Variants in PPP1R16B observed in about 807,000 individuals in gnomAD.
PPP1R16B encodes the protein protein phosphatase 1 regulatory subunit 16B.
A neutral mutation model predicts 61.7 loss-of-function variants in PPP1R16B; 14 were observed. That is an observed-to-expected ratio of 0.23 (90% confidence interval 0.15 to 0.35). PPP1R16B has a LOEUF of 0.35. PPP1R16B is among the 10% of genes least tolerant of loss of function. The probability of loss-of-function intolerance (pLI) is 1.00; values close to 1 mark genes in which losing one functional copy is unlikely to be tolerated. For missense variants in PPP1R16B, 547 were observed against 752.5 expected (o/e 0.73, Z 3.19); for synonymous variants, 266 against 305.3 (o/e 0.87, Z 1.34).
intron 7 of PPP1R16B, among the ~76,000 whole-genome samples, chr20:38,906,296 T>C (rs28588987): frequency 1.2e-4 from 15 of 126,050 alleles, no homozygotes; most frequent in African/African-American, 4.3e-4. Context: ...TTTTTTTTTT[T>C]TTTTTTTTTT....
intron 2 of PPP1R16B, among the ~76,000 whole-genome samples, chr20:38,855,982 A>AAGGAGGAGG (rs1555804355): frequency 9.6e-5 from 4 of 41,562 alleles, no homozygotes; most frequent in Admixed American, 5.9e-4. Flanking sequence ...AGAGAGAGAG[A>AAGGAGGAGG]AGGAGGAGGA....
intron 2 of PPP1R16B, among the ~76,000 whole-genome samples, chr20:38,883,704 A>G (rs1488821680): frequency 6.6e-6 from 1 of 152,220 alleles, no homozygotes; most frequent in African/African-American, 2.4e-5. Flanking sequence ...CCAGCTCTAA[A>G]GCTCTTGAGA....
intron 1 of PPP1R16B, among the ~76,000 whole-genome samples, chr20:38,821,046 A>AG (rs2084770524): frequency 6.6e-6 from 1 of 151,548 alleles, no homozygotes; most frequent in Non-Finnish European, 1.5e-5. Context: ...GTCTCAAAAA[A>AG]AAAAAAAAAA....
At chr20:38,876,303 T>C (rs1372958835) in intron 2 of PPP1R16B, among the ~76,000 whole-genome samples, 1 of 152,140 alleles carries the variant, frequency 6.6e-6, no homozygotes, top group Non-Finnish European at 1.5e-5. Flanking sequence ...TGAAAAGCAT[T>C]ACCCTGAGGA....
At chr20:38,902,598 T>C in intron 5 of PPP1R16B, 70 bp from the exon 6 acceptor site, 1 of 1,598,844 alleles carries the variant, frequency 6.3e-7, no homozygotes, top group Non-Finnish European at 8.5e-7. Context: ...GCCTCCCTCA[T>C]CTGCCTTCCC....
chr20:38,874,313 C>G (rs942686102), intron 2 of PPP1R16B, among the ~76,000 whole-genome samples: 1 of 152,116 alleles, frequency 6.6e-6, no homozygotes, highest in South Asian at 2.1e-4. Flanking sequence ...CCTGCTGGAG[C>G]CAGGAGGTGG....
chr20:38,827,092 G>A (rs995807460), intron 1 of PPP1R16B, among the ~76,000 whole-genome samples: 1 of 152,010 alleles, frequency 6.6e-6, no homozygotes, highest in Non-Finnish European at 1.5e-5. Context: ...TGGGACTAGA[G>A]GCACACGCCA....
chr20:38,907,739 C>G lies in PPP1R16B; in HGVS notation c.899-67C>G. 5.1e-6 allele frequency: 8 copies of G among 1,575,930 alleles called. No homozygotes were observed. Among genetic ancestry groups the G allele is most frequent in the Non-Finnish European group, 7.0e-6 (8 of 1,150,776 alleles). ...GGGTTGGGGTGGCAGCTCCTCTGGT[C>G]TGGAGCACCCTCTTGCGCCACAGGT... On this transcript the variant is annotated intron_variant, in intron 8 of 10. Coordinates refer to ENST00000299824, the MANE Select transcript of PPP1R16B (RefSeq NM_015568.4). The surrounding 1 kb of genome is among the most constrained non-coding windows in gnomAD (Gnocchi z 4.5).
chr20:38,820,807 C>A (rs1258281371), intron 1 of PPP1R16B, among the ~76,000 whole-genome samples: 1 of 151,636 alleles, frequency 6.6e-6, no homozygotes. Context: ...CCGAGGTGGG[C>A]GGATCATGAG....
intron 2 of PPP1R16B, among the ~76,000 whole-genome samples, chr20:38,865,113 G>A (rs2085081228): frequency 1.3e-5 from 2 of 151,968 alleles, no homozygotes; most frequent in Admixed American, 6.6e-5. Flanking sequence ...TTCTACCCAC[G>A]TCCAGGCCCA....
At chr20:38,912,694 A>G (rs576542134) in intron 10 of PPP1R16B, among the ~76,000 whole-genome samples, 1 of 151,904 alleles carries the variant, frequency 6.6e-6, no homozygotes, top group Non-Finnish European at 1.5e-5. Context: ...AATAAAAATA[A>G]ATAAATGTAG....
chr20:38,895,962 T>G (rs1378144472), intron 4 of PPP1R16B, among the ~76,000 whole-genome samples: 1 of 118,512 alleles, frequency 8.4e-6, no homozygotes, highest in East Asian at 2.8e-4. Context: ...CCTCCTTTCT[T>G]CTTTCTTCCC....
chr20:38,902,480 C>T (rs2085402511), intron 5 of PPP1R16B, among the ~76,000 whole-genome samples, 188 bp from the exon 6 acceptor site: 1 of 152,178 alleles, frequency 6.6e-6, no homozygotes, highest in Non-Finnish European at 1.5e-5. Flanking sequence ...GCAGGAATGC[C>T]CTTGCTCTGT....
At chr20:38,867,044 T>C (rs952079466) in intron 2 of PPP1R16B, among the ~76,000 whole-genome samples, 2 of 152,216 alleles carry the variant, frequency 1.3e-5, no homozygotes, top group African/African-American at 2.4e-5. Context: ...CTTGGCGTAA[T>C]GTTTTTCGGG....
At chr20:38,912,503 C>CAAAAAA (rs58456397) in intron 10 of PPP1R16B, among the ~76,000 whole-genome samples, 3 of 81,020 alleles carry the variant, frequency 3.7e-5, no homozygotes, top group African/African-American at 4.5e-5. Flanking sequence ...TACCCCCCAC[C>CAAAAAA]AAAAAAAAAA....
At chr20:38,914,311 G>C (rs565003605) in intron 10 of PPP1R16B, among the ~76,000 whole-genome samples, 1 of 152,300 alleles carries the variant, frequency 6.6e-6, no homozygotes, top group Admixed American at 6.5e-5. Flanking sequence ...AGGAGGGGTC[G>C]TCTGAGCGTT....
intron 2 of PPP1R16B, among the ~76,000 whole-genome samples, chr20:38,887,286 G>A (rs1044249996): frequency 3.3e-5 from 5 of 152,206 alleles, no homozygotes; most frequent in African/African-American, 1.2e-4. Flanking sequence ...TTAGCAGGTA[G>A]GATGATTGTG....
intron 1 of PPP1R16B, among the ~76,000 whole-genome samples, chr20:38,831,727 T>C (rs1437983764): frequency 2.0e-5 from 3 of 152,222 alleles, no homozygotes; most frequent in Non-Finnish European, 4.4e-5. Flanking sequence ...CCCCCCGATG[T>C]TGGATATAAA....
rs1413884741 is a variant in PPP1R16B, at chr20:38,921,243, A to G, written c.*2577A>G. 3 of 152,214 alleles carry G rather than the reference A, an allele frequency of 2.0e-5. No homozygotes were observed. Among genetic ancestry groups the G allele is most frequent in the Non-Finnish European group, 4.4e-5 (3 of 68,036 alleles). The allele number at this position is 152,214 out of a possible 1,614,324, so 9.4% of individuals were successfully genotyped here. A position where few individuals can be genotyped will look rare whatever the true frequency, so the allele number is the denominator to read the frequency against. Reference sequence around the variant, plus strand: ...TAAGTCCCTGGGGAGCTTTCCCTGTAGGTCTCCTGGGTGTTGAGAGACAAG... The same window carrying G: ...TAAGTCCCTGGGGAGCTTTCCCTGTGGGTCTCCTGGGTGTTGAGAGACAAG... On this transcript the variant is annotated 3_prime_UTR_variant, in exon 11 of 11. Coordinates refer to ENST00000299824, the MANE Select transcript of PPP1R16B (RefSeq NM_015568.4).
Sources: allele counts gnomAD v4.1 joint callset (sites outside exome capture counted in the v4.1 genomes callset), GRCh38; gene constraint gnomAD v4.1.1; non-coding constraint Gnocchi (gnomAD v3.1); transcripts MANE v1.5; gene names NCBI Gene and HGNC (gene_info 2026-07-23, HGNC 2026-07-21).